SNX24: variants seen among roughly 807,000 people sequenced by gnomAD.
SNX24 encodes the protein sorting nexin-24.
A neutral mutation model predicts 28.7 loss-of-function variants in SNX24; 22 were observed. The observed-to-expected ratio is 0.77, with a 90% CI of 0.55 to 1.10. The LOEUF (loss-of-function observed/expected upper bound fraction) is 1.10. SNX24 is among the 50% of genes least tolerant of loss of function. SNX24 has a pLI of 0.00. For synonymous variants in SNX24, 69 were observed against 71.5 expected (o/e 0.96, Z 0.18); for missense variants, 221 against 201.1 (o/e 1.10, Z -0.60).
intron 3 of SNX24, among the ~76,000 whole-genome samples, chr5:122,958,056 C>T (rs1294013281): frequency 6.6e-6 from 1 of 151,926 alleles, no homozygotes; most frequent in Non-Finnish European, 1.5e-5. Flanking sequence ...ACTTTGAGTA[C>T]TATGTTGAAT....
At chr5:122,938,204 G>T (rs988933666) in intron 2 of SNX24, among the ~76,000 whole-genome samples, 2 of 152,136 alleles carry the variant, frequency 1.3e-5, no homozygotes, top group Non-Finnish European at 2.9e-5. Flanking sequence ...CGTGCTTCTG[G>T]AGGCGAGGCT....
intron 1 of SNX24, among the ~76,000 whole-genome samples, chr5:122,908,850 G>T (rs1164040677): frequency 1.3e-5 from 2 of 152,202 alleles, no homozygotes; most frequent in Non-Finnish European, 2.9e-5. Flanking sequence ...GGAACGGAAT[G>T]TCCTGTGCTG....
intron 1 of SNX24, among the ~76,000 whole-genome samples, chr5:122,935,587 T>G (rs1275011851): frequency 6.6e-6 from 1 of 152,234 alleles, no homozygotes; most frequent in Non-Finnish European, 1.5e-5. Flanking sequence ...ATTTTGTTTC[T>G]GATTCAAAGA....
chr5:122,877,991 GC>G (rs1561537582), intron 1 of SNX24, among the ~76,000 whole-genome samples: 1 of 152,114 alleles, frequency 6.6e-6, no homozygotes, highest in Non-Finnish European at 1.5e-5. Context: ...CCTGAATCTG[GC>G]TTTTCCTGGA....
chr5:122,859,346 G>A (rs898365850), intron 1 of SNX24, among the ~76,000 whole-genome samples: 1 of 152,116 alleles, frequency 6.6e-6, no homozygotes, highest in Non-Finnish European at 1.5e-5. Context: ...GCTCATGCCT[G>A]TGATCCCAGC....
At chr5:123,024,673 G>C (rs2150188190) in intron 5 of SNX24, among the ~76,000 whole-genome samples, 1 of 152,350 alleles carries the variant, frequency 6.6e-6, no homozygotes, top group South Asian at 2.1e-4. Context: ...AGACAGCATT[G>C]AGGCTACTAG....
At chr5:122,916,289 C>T (rs541700867) in intron 1 of SNX24, among the ~76,000 whole-genome samples, 1 of 152,286 alleles carries the variant, frequency 6.6e-6, no homozygotes, top group South Asian at 2.1e-4. Context: ...GTGCTTTTGA[C>T]TCTGTTTCCA....
At chr5:122,986,586 G>A (rs1761613484) in intron 3 of SNX24, among the ~76,000 whole-genome samples, 1 of 152,142 alleles carries the variant, frequency 6.6e-6, no homozygotes, top group Non-Finnish European at 1.5e-5. Context: ...GCAACCTGTG[G>A]CCATGGCAAG....
intron 3 of SNX24, among the ~76,000 whole-genome samples, chr5:122,960,312 G>A (rs1760432414): frequency 6.6e-6 from 1 of 152,104 alleles, no homozygotes; most frequent in South Asian, 2.1e-4. Flanking sequence ...TTTGTCACTT[G>A]ATAAGCAGTG....
chr5:122,877,861 C>T (rs1012623712), intron 1 of SNX24, among the ~76,000 whole-genome samples: 21 of 152,082 alleles, frequency 1.4e-4, no homozygotes, highest in Admixed American at 5.9e-4. Context: ...GATGATTCCT[C>T]ACTGGACTCC....
intron 1 of SNX24, among the ~76,000 whole-genome samples, chr5:122,915,551 A>T (rs1456310260): frequency 6.6e-6 from 1 of 152,158 alleles, no homozygotes; most frequent in African/African-American, 2.4e-5. Context: ...GCTTGAGCTC[A>T]GGAGTTGGAG....
rs2150176792 is a variant in SNX24 at position 123,002,014 on chromosome 5, C to T, written c.442+10C>T. 6.2e-7 allele frequency: 1 copy of T among 1,608,738 alleles called. No homozygotes were observed. The highest frequency in any genetic ancestry group is 2.2e-5 in the East Asian group (1 of 44,840). Reference sequence around the variant, plus strand: ...TTGCCTGCAGCCAGCGGTAATCAAACCTGTCATCTGCTAACAGCTCTTTAC... The same window carrying T: ...TTGCCTGCAGCCAGCGGTAATCAAATCTGTCATCTGCTAACAGCTCTTTAC... On this transcript the variant is annotated intron_variant, in intron 6 of 6. Transcript: ENST00000261369.
chr5:123,000,891 A>T (rs1329103368), intron 4 of SNX24, among the ~76,000 whole-genome samples: 1 of 152,164 alleles, frequency 6.6e-6, no homozygotes, highest in Non-Finnish European at 1.5e-5. Context: ...AGCAGGCCAC[A>T]CCCAAAGTCA....
At chr5:123,009,510 G>T (rs1411131671), downstream of SNX24, among the ~76,000 whole-genome samples, 1 of 152,030 alleles carries the variant, frequency 6.6e-6, no homozygotes, top group Non-Finnish European at 1.5e-5. Context: ...GATGACTTTC[G>T]CTTTTTATAT....
chr5:122,885,391 G>A (rs1201793505), intron 1 of SNX24, among the ~76,000 whole-genome samples: 1 of 152,048 alleles, frequency 6.6e-6, no homozygotes, highest in Admixed American at 6.6e-5. Context: ...TGTGTTCCAC[G>A]GTCTTCCATC....
intron 1 of SNX24, among the ~76,000 whole-genome samples, chr5:122,875,452 A>T (rs577934641): frequency 5.3e-5 from 8 of 152,234 alleles, no homozygotes; most frequent in Non-Finnish European, 7.3e-5. Context: ...CTTGGGGCTT[A>T]TGCAGTCTAG....
intron 3 of SNX24, among the ~76,000 whole-genome samples, chr5:122,963,480 T>G (rs902240675): frequency 6.6e-6 from 1 of 152,196 alleles, no homozygotes; most frequent in Admixed American, 6.5e-5. Context: ...AGGTAGATGG[T>G]TTTATCTGAT....
At chr5:122,959,955 C>T (rs1760408318) in intron 3 of SNX24, among the ~76,000 whole-genome samples, 1 of 152,262 alleles carries the variant, frequency 6.6e-6, no homozygotes, top group South Asian at 2.1e-4. Flanking sequence ...CTGCCTTTGA[C>T]CCTTTTCAAA....
At chr5:123,027,450 C>A (rs1423233112) in intron 5 of SNX24, among the ~76,000 whole-genome samples, 2 of 152,180 alleles carry the variant, frequency 1.3e-5, no homozygotes, top group Non-Finnish European at 2.9e-5. Flanking sequence ...CCTGCCAGCA[C>A]CATTCCTATG....
Sources: gnomAD v4.1 joint callset for allele counts (sites outside exome capture counted in the v4.1 genomes callset) on GRCh38, gnomAD v4.1.1 for gene constraint, MANE v1.5 for transcripts, NCBI Gene and HGNC (gene_info 2026-07-23, HGNC 2026-07-21) for gene names.